The following MAN1A2 variants were observed in gnomAD, a reference collection of about 807,000 sequenced individuals.
The protein encoded by MAN1A2 is mannosidase alpha class 1A member 2.
MAN1A2 carries 26 observed loss-of-function variants against 75.7 expected under a neutral mutation model. That is an observed-to-expected ratio of 0.34 (90% CI 0.25 to 0.48). MAN1A2 has a LOEUF of 0.48. Among genes scored for constraint, MAN1A2 ranks in the 20% least tolerant of loss-of-function variants. MAN1A2 has a pLI of 0.99. For missense variants in MAN1A2, 562 were observed against 775.5 expected, an observed-to-expected ratio of 0.72 and a Z score of 3.27; for synonymous variants, 247 against 264.6, an observed-to-expected ratio of 0.93 and a Z score of 0.65.
chr1:117,455,067 TAG>T (rs1649536555), intron 6 of MAN1A2, among the ~76,000 whole-genome samples: 1 of 152,078 alleles, frequency 6.6e-6, no homozygotes, highest in South Asian at 2.1e-4. Context: ...TGTAAAATGG[TAG>T]AGACACTTTG....
At chr1:117,469,228 G>A (rs1433197940) in intron 8 of MAN1A2, among the ~76,000 whole-genome samples, 1 of 151,990 alleles carries the variant, frequency 6.6e-6, no homozygotes, top group Non-Finnish European at 1.5e-5. Flanking sequence ...TCTCTTCAAC[G>A]TTGTGTTGAG....
intron 4 of MAN1A2, among the ~76,000 whole-genome samples, chr1:117,417,265 A>G (rs1403109409): frequency 1.3e-5 from 2 of 151,844 alleles, no homozygotes; most frequent in South Asian, 2.1e-4. Flanking sequence ...TATTTTGCAT[A>G]TATAGTATGT....
At chr1:117,499,674 C>T (rs921830861) in intron 11 of MAN1A2, 120 bp downstream of exon 11, 11 of 561,584 alleles carry the variant, frequency 2.0e-5, no homozygotes, top group Non-Finnish European at 2.5e-5. Flanking sequence ...TTTTATTTAT[C>T]TGATGAAGAA....
chr1:117,455,111 T>C (rs1649538267), intron 6 of MAN1A2, among the ~76,000 whole-genome samples: 1 of 152,132 alleles, frequency 6.6e-6, no homozygotes, highest in East Asian at 1.9e-4. Context: ...CAAATGTTTA[T>C]CACATCAATA....
chr1:117,464,419 C>T (rs959796058), intron 7 of MAN1A2, among the ~76,000 whole-genome samples: 1 of 151,166 alleles, frequency 6.6e-6, no homozygotes, highest in Non-Finnish European at 1.5e-5. Context: ...ATACTTGATG[C>T]TTCATAACAC....
intron 5 of MAN1A2, among the ~76,000 whole-genome samples, chr1:117,433,427 C>T (rs1648740982): frequency 6.6e-6 from 1 of 152,144 alleles, no homozygotes. Flanking sequence ...GAAAACTCTA[C>T]AGCAAACTAT....
intron 8 of MAN1A2, among the ~76,000 whole-genome samples, chr1:117,490,961 A>G (rs1021650028): frequency 1.3e-5 from 2 of 152,008 alleles, no homozygotes; most frequent in African/African-American, 4.8e-5. Flanking sequence ...ATGCTAAGAG[A>G]GGTGAGGAAG....
At chr1:117,390,022 T>C (rs1653665826) in intron 1 of MAN1A2, among the ~76,000 whole-genome samples, 1 of 152,226 alleles carries the variant, frequency 6.6e-6, no homozygotes, top group Admixed American at 6.5e-5. Context: ...GAGTTTTGAA[T>C]GTTAGACACC....
Position 117,526,788 on chromosome 1 carries a change from A to T in MAN1A2, c.*3831A>T, listed in dbSNP as rs1229554770. ...AACAGTTCCTAGTAATAGTATTTTG[A>T]GTTATTTTTCTTTAGGTTTCCTTAT... On this transcript the variant is annotated 3_prime_UTR_variant, in exon 13 of 13. Transcript: ENST00000356554. The T allele has an allele frequency of 7.3e-6, 1 of 136,364 alleles. No homozygotes were observed. Among genetic ancestry groups the T allele is most frequent in the African/African-American group, 2.8e-5 (1 of 36,076 alleles). The allele number at this position is 136,364 out of a possible 1,614,324, so 8.4% of individuals were successfully genotyped here. A position where few individuals can be genotyped will look rare whatever the true frequency, so the allele number is the denominator to read the frequency against.
intron 1 of MAN1A2, among the ~76,000 whole-genome samples, chr1:117,399,765 G>A (rs1647357209): frequency 6.6e-6 from 1 of 152,194 alleles, no homozygotes; most frequent in African/African-American, 2.4e-5. Flanking sequence ...GGAATAGGTG[G>A]TTGGGTGGGT....
intron 5 of MAN1A2, among the ~76,000 whole-genome samples, chr1:117,429,276 G>A (rs1347958069): frequency 7.1e-6 from 1 of 141,410 alleles, no homozygotes; most frequent in African/African-American, 2.6e-5. Flanking sequence ...ATTCCACAAA[G>A]CCGCCATTGT....
intron 8 of MAN1A2, among the ~76,000 whole-genome samples, chr1:117,467,240 C>T (rs972039835): frequency 4.6e-5 from 7 of 151,880 alleles, no homozygotes; most frequent in South Asian, 2.1e-4. Flanking sequence ...GCAACTTTGC[C>T]GCTAATAAAA....
intron 12 of MAN1A2, among the ~76,000 whole-genome samples, chr1:117,520,166 A>G (rs1651829835): frequency 6.6e-6 from 1 of 152,034 alleles, no homozygotes; most frequent in South Asian, 2.1e-4. Context: ...CATACAAGGG[A>G]CATACCTCAA....
chr1:117,432,816 A>G (rs1259103647), intron 5 of MAN1A2, among the ~76,000 whole-genome samples: 1 of 151,316 alleles, frequency 6.6e-6, no homozygotes, highest in Non-Finnish European at 1.5e-5. Context: ...TACTTTTTAA[A>G]TACATTAGCA....
intron 5 of MAN1A2, among the ~76,000 whole-genome samples, chr1:117,431,563 A>G (rs907627826): frequency 6.6e-6 from 1 of 152,216 alleles, no homozygotes; most frequent in African/African-American, 2.4e-5. Flanking sequence ...TGCTGAGTAC[A>G]CTTTCTTTTC....
intron 5 of MAN1A2, among the ~76,000 whole-genome samples, chr1:117,430,297 G>C: frequency 7.5e-6 from 1 of 134,202 alleles, no homozygotes; most frequent in Non-Finnish European, 1.6e-5. Context: ...GCGGCTGGTC[G>C]GGCGGGGGGC....
intron 8 of MAN1A2, 23 bp downstream of exon 8, chr1:117,466,450 G>T: frequency 6.9e-7 from 1 of 1,441,948 alleles, no homozygotes. Context: ...GTATACCTGA[G>T]GCTTTCTTAA....
At chr1:117,517,038 G>GT (rs1232517794) in intron 12 of MAN1A2, among the ~76,000 whole-genome samples, 1 of 152,108 alleles carries the variant, frequency 6.6e-6, no homozygotes, top group Non-Finnish European at 1.5e-5. Flanking sequence ...CAACCAGACT[G>GT]TAAAAATTCA....
intron 2 of MAN1A2, among the ~76,000 whole-genome samples, chr1:117,404,880 C>T (rs1271792345): frequency 6.6e-6 from 1 of 152,000 alleles, no homozygotes. Flanking sequence ...CGGTGAAACC[C>T]TGTCTCTACT....
Sources: allele counts gnomAD v4.1 joint callset (sites outside exome capture counted in the v4.1 genomes callset), GRCh38; gene constraint gnomAD v4.1.1; transcripts MANE v1.5; gene names NCBI Gene and HGNC (gene_info 2026-07-23, HGNC 2026-07-21).